Variants in IFT57 observed in about 807,000 individuals in gnomAD.
IFT57 encodes the protein intraflagellar transport protein 57 homolog.
In IFT57, 59 loss-of-function variants were observed where a neutral mutation model predicts 56.8. The ratio of observed to expected loss-of-function variants is 1.04; its 90% CI spans 0.84 to 1.29. IFT57 has a LOEUF of 1.29. IFT57 is among the 50% of genes most tolerant of loss of function. The pLI is 0.00. For missense variants in IFT57, 470 were observed against 522.1 expected (o/e 0.90, Z 0.97); for synonymous variants, 209 against 186.1 (o/e 1.12, Z -1.00).
intron 6 of IFT57, among the ~76,000 whole-genome samples, chr3:108,173,911 ATATAT>A (rs2080109409): frequency 6.6e-6 from 1 of 151,062 alleles, no homozygotes; most frequent in African/African-American, 2.4e-5. Context: ...TGCTAACAAC[ATATAT>A]TAAAGTGGAA....
At chr3:108,221,253 T>C (rs1397854914) in intron 1 of IFT57, among the ~76,000 whole-genome samples, 3 of 152,248 alleles carry the variant, frequency 2.0e-5, no homozygotes, top group African/African-American at 7.2e-5. Context: ...TATAGATTCT[T>C]AATACTGATT....
chr3:108,186,318 T>C (rs1465638416), intron 6 of IFT57, among the ~76,000 whole-genome samples: 1 of 30,128 alleles, frequency 3.3e-5, no homozygotes, highest in Non-Finnish European at 6.4e-5. Flanking sequence ...ACTGTGGCTA[T>C]GCCAAAAAAA....
In IFT57 at chr3:108,218,532, T is replaced by C. The variant is rs750880453; in HGVS notation, c.494+3A>G. The C allele has an allele frequency of 2.8e-6, 4 of 1,451,322 alleles. No homozygotes were observed. Among genetic ancestry groups the C allele is most frequent in the Non-Finnish European group, 3.8e-6 (4 of 1,064,880 alleles). 89.9% of individuals were successfully genotyped at this position (1,451,322 alleles called of 1,614,324 possible). A position where few individuals can be genotyped will look rare whatever the true frequency, so the allele number is the denominator to read the frequency against. On this transcript the variant is annotated splice_donor_region_variant and intron_variant, in intron 3 of 10. Transcript: ENST00000264538. ...TACTATCATCAGGGTGGGTAATTTT[T>C]ACCTTTTCCAGGTGAAACCAATATA...
intron 10 of IFT57, 74 bp from the exon 11 acceptor site, chr3:108,162,729 T>C: frequency 8.3e-7 from 1 of 1,208,644 alleles, no homozygotes; most frequent in Non-Finnish European, 1.1e-6. Context: ...GTATGACATT[T>C]TCCTCACTTT....
At chr3:108,215,258 C>T (rs1048247224) in intron 3 of IFT57, among the ~76,000 whole-genome samples, 2 of 151,774 alleles carry the variant, frequency 1.3e-5, no homozygotes, top group African/African-American at 4.8e-5. Context: ...AGAGAGAAAA[C>T]TTGTATTAAA....
At chr3:108,219,811 T>C (rs1187217533) in intron 1 of IFT57, among the ~76,000 whole-genome samples, 1 of 152,124 alleles carries the variant, frequency 6.6e-6, no homozygotes, top group Admixed American at 6.5e-5. Context: ...ATCAAAGACC[T>C]TACACCCAGG....
intron 5 of IFT57, among the ~76,000 whole-genome samples, chr3:108,192,195 A>G (rs1192967989): frequency 6.7e-6 from 1 of 148,464 alleles, no homozygotes; most frequent in Non-Finnish European, 1.5e-5. Flanking sequence ...AAAAAAAAAA[A>G]AGGGAAACAC....
intron 3 of IFT57, among the ~76,000 whole-genome samples, chr3:108,217,984 C>T (rs1294346683): frequency 2.9e-5 from 4 of 138,366 alleles, no homozygotes; most frequent in South Asian, 2.3e-4. Flanking sequence ...TAGTAAAGAA[C>T]AATTTTATAC....
At chr3:108,177,955 T>C (rs538466476) in intron 6 of IFT57, among the ~76,000 whole-genome samples, 3 of 151,860 alleles carry the variant, frequency 2.0e-5, no homozygotes, top group South Asian at 2.1e-4. Flanking sequence ...AGGCCTACTG[T>C]TTAAAGTGAA....
At chr3:108,202,548 C>G (rs1224486761) in intron 5 of IFT57, among the ~76,000 whole-genome samples, 1 of 152,212 alleles carries the variant, frequency 6.6e-6, no homozygotes, top group Non-Finnish European at 1.5e-5. Context: ...TTCAAGAACA[C>G]TCAGGAATCA....
At chr3:108,187,942 G>T (rs78707093) in intron 6 of IFT57, among the ~76,000 whole-genome samples, 10,964 of 137,600 alleles carry the variant, frequency 0.08, 426 homozygotes, top group Middle Eastern at 0.12. Flanking sequence ...AAAGGTTTTT[G>T]TTTTTTTTTT....
Position 108,204,853 on chromosome 3 carries a change from A to G in IFT57, c.654+1775T>C, listed in dbSNP as rs140525827. On this transcript the variant is annotated intron_variant, in intron 5 of 10. Coordinates refer to ENST00000264538, the MANE Select transcript of IFT57 (RefSeq NM_018010.4). ...TAAAAGATTAAACTGTCCCAAGGTT[A>G]TAAATTTCAGTGTTTATATTTGTAA... Among the ~76,000 whole-genome samples the G allele has an allele frequency of 4.6e-3, 702 of 152,308 alleles. 3 individuals are homozygous for G. The highest frequency in any genetic ancestry group is 0.016 in the African/African-American group (665 of 41,566).
intron 4 of IFT57, among the ~76,000 whole-genome samples, chr3:108,212,061 C>A (rs1428683707): frequency 6.6e-6 from 1 of 152,126 alleles, no homozygotes; most frequent in Non-Finnish European, 1.5e-5. Flanking sequence ...CAGCTTACTG[C>A]ACTTTCAAAC....
chr3:108,190,528 T>A (rs1186620578), intron 6 of IFT57, among the ~76,000 whole-genome samples: 1 of 152,244 alleles, frequency 6.6e-6, no homozygotes, highest in Non-Finnish European at 1.5e-5. Flanking sequence ...GTAAAGAAGA[T>A]GCCTTGCTTT....
chr3:108,219,414 G>A lies in IFT57; in HGVS notation c.371C>T (p.Ser124Leu). Residue 124 changes from serine (S) to leucine (L), a missense_variant, in exon 2 of 11, where the codon TCA becomes TTA. Ser to Leu is a moderately radical substitution (Grantham distance 145). Transcript: ENST00000264538. ...TISNILSELRSFGRTADFPPS... is the reference protein window; with the variant it reads ...TISNILSELRLFGRTADFPPS... ...AGAAGGGTCGTTTACACTTACAAAT[G>A]ACCGAAGCTCGGATAGTATGTTAGA... 1 of 1,600,850 alleles carries A rather than the reference G, an allele frequency of 6.2e-7. No individual in the cohort carries two copies. The highest frequency in any genetic ancestry group is 8.6e-7 in the Non-Finnish European group (1 of 1,169,078).
At chr3:108,175,376 A>G (rs2080118717) in intron 6 of IFT57, among the ~76,000 whole-genome samples, 1 of 151,782 alleles carries the variant, frequency 6.6e-6, no homozygotes, top group Non-Finnish European at 1.5e-5. Context: ...TTATTAGGTA[A>G]ATAGCAAAGG....
chr3:108,183,967 T>G (rs1398581931), intron 6 of IFT57, among the ~76,000 whole-genome samples: 3 of 152,160 alleles, frequency 2.0e-5, no homozygotes, highest in East Asian at 1.9e-4. Context: ...AACTTTCAAT[T>G]GATTCATGTA....
intron 3 of IFT57, among the ~76,000 whole-genome samples, chr3:108,215,564 T>C (rs879094392): frequency 6.6e-6 from 1 of 151,612 alleles, no homozygotes; most frequent in Non-Finnish European, 1.5e-5. Flanking sequence ...GCCTCAATCA[T>C]GTTAAAAAAA....
chr3:108,192,324 T>C (rs1228609430), intron 5 of IFT57, among the ~76,000 whole-genome samples: 1 of 152,128 alleles, frequency 6.6e-6, no homozygotes, highest in Non-Finnish European at 1.5e-5. Flanking sequence ...GATAATTTAT[T>C]AGGTCAAATT....
Sources: gnomAD v4.1 joint callset for allele counts (sites outside exome capture counted in the v4.1 genomes callset) on GRCh38, gnomAD v4.1.1 for gene constraint, MANE v1.5 for transcripts, NCBI Gene and HGNC (gene_info 2026-07-23, HGNC 2026-07-21) for gene names.